Variants in RNF115 observed in about 807,000 individuals in gnomAD.
RNF115 encodes the protein ring finger protein 115.
In RNF115, 31 loss-of-function variants were observed where a neutral mutation model predicts 39.2. The ratio of observed to expected loss-of-function variants is 0.79; its 90% CI spans 0.59 to 1.07. RNF115 has a LOEUF of 1.07. Among genes scored for constraint, RNF115 ranks in the 50% least tolerant of loss-of-function variants. RNF115 has a pLI of 0.00. For missense variants in RNF115, 384 were observed against 381.7 expected (o/e 1.01, Z -0.05); for synonymous variants, 124 against 131.0 (o/e 0.95, Z 0.37).
At chr1:145,790,836 G>A (rs1321833524) in intron 1 of RNF115, among the ~76,000 whole-genome samples, 2 of 152,062 alleles carry the variant, frequency 1.3e-5, no homozygotes, top group African/African-American at 2.4e-5. Flanking sequence ...TAATAATGAT[G>A]GGTATAGAAA....
intron 2 of RNF115, among the ~76,000 whole-genome samples, chr1:145,784,883 T>G (rs1648308446): frequency 6.6e-6 from 1 of 152,138 alleles, no homozygotes; most frequent in Non-Finnish European, 1.5e-5. Flanking sequence ...CAATTCGGAT[T>G]TGACCTATCA....
intron 4 of RNF115, among the ~76,000 whole-genome samples, chr1:145,755,113 G>A (rs1176048150): frequency 2.0e-5 from 3 of 152,080 alleles, no homozygotes; most frequent in East Asian, 1.9e-4. Flanking sequence ...TTAGTGGCAC[G>A]TGCCTATAGT....
intron 1 of RNF115, among the ~76,000 whole-genome samples, chr1:145,803,555 A>G (rs1649341624): frequency 6.6e-6 from 1 of 152,034 alleles, no homozygotes; most frequent in South Asian, 2.1e-4. Flanking sequence ...TGCCCAGCTA[A>G]TTTTTGTATT....
chr1:145,807,257 AATAG>A (rs1349980027), intron 1 of RNF115, among the ~76,000 whole-genome samples: 1 of 152,240 alleles, frequency 6.6e-6, no homozygotes, highest in Non-Finnish European at 1.5e-5. Context: ...CAGGAATAGA[AATAG>A]ATATACTTCT....
intron 1 of RNF115, among the ~76,000 whole-genome samples, chr1:145,819,252 A>G (rs1162192654): frequency 2.9e-4 from 42 of 145,402 alleles, no homozygotes; most frequent in African/African-American, 9.3e-4. Flanking sequence ...GCTGGGCAAC[A>G]TGACGAAACC....
chr1:145,791,530 GAA>G (rs1226373562), intron 1 of RNF115, among the ~76,000 whole-genome samples: 43 of 150,142 alleles, frequency 2.9e-4, no homozygotes, highest in African/African-American at 7.6e-4. Context: ...AAAAAAAAGA[GAA>G]AGAGAGACAT....
rs758012749 is a variant in RNF115, at chr1:145,750,503, A to G, written c.574-3T>C. The G allele has an allele frequency of 4.3e-6, 7 of 1,612,460 alleles. No homozygotes were observed. In the African/African-American group the frequency reaches 9.3e-5, roughly 22 times the overall value. ...GTGTTTTCCAGTTGTCCTAAAAGCT[A>G]CAAAAAAAGAGAAAGAAAAAGACGA... On this transcript the variant is annotated splice_polypyrimidine_tract_variant and splice_region_variant and intron_variant, in intron 6 of 8. Coordinates refer to ENST00000582693, the MANE Select transcript of RNF115 (RefSeq NM_014455.4).
At chr1:145,815,430 C>T (rs1421817981) in intron 1 of RNF115, among the ~76,000 whole-genome samples, 1 of 152,262 alleles carries the variant, frequency 6.6e-6, no homozygotes, top group Non-Finnish European at 1.5e-5. Flanking sequence ...GTAGGTTACT[C>T]TGCATATGAT....
At chr1:145,783,348 A>G (rs1394717705) in intron 3 of RNF115, among the ~76,000 whole-genome samples, 1 of 152,216 alleles carries the variant, frequency 6.6e-6, no homozygotes, top group Non-Finnish European at 1.5e-5. Context: ...TAAATAGAAC[A>G]GGACCATTAC....
At chr1:145,784,219 T>C (rs1364870425) in intron 3 of RNF115, among the ~76,000 whole-genome samples, 1 of 152,222 alleles carries the variant, frequency 6.6e-6, no homozygotes, top group African/African-American at 2.4e-5. Context: ...AACACTGTTA[T>C]TTCAAAAACA....
intron 4 of RNF115, among the ~76,000 whole-genome samples, chr1:145,760,390 T>C (rs1559107292): frequency 6.6e-6 from 1 of 152,176 alleles, no homozygotes; most frequent in African/African-American, 2.4e-5. Context: ...GGCTCTGATA[T>C]GGTTTGGCTG....
Position 145,750,465 on chromosome 1 carries a change from T to TG in RNF115, c.608dup (p.Ala204SerfsTer2). 6.2e-7 allele frequency: 1 copy of TG among 1,614,010 alleles called. No homozygotes were observed. The highest frequency in any genetic ancestry group is 8.5e-7 in the Non-Finnish European group (1 of 1,179,950). Reference sequence around the variant, plus strand: ...GAGATGTGATCTTTTCCTTGTCAGCTGGGGGAGGGCCTGTGTTTTCCAGTT... The same window carrying TG: ...GAGATGTGATCTTTTCCTTGTCAGCTGGGGGGAGGGCCTGTGTTTTCCAGTT... On this transcript the variant is annotated frameshift_variant, in exon 7 of 9. Coordinates refer to ENST00000582693, the MANE Select transcript of RNF115 (RefSeq NM_014455.4). LOFTEE classifies it high-confidence loss of function.
rs1649907562 is a variant in RNF115, at chr1:145,814,814, CTAGAT to C, written c.102+8953_102+8957del. 1.3e-5 allele frequency among the ~76,000 whole-genome samples: 2 copies of C among 152,066 alleles called. 1 individual carries two copies. ...TACCTATAAGAATACATATTTATTT[CTAGAT>C]ATTGCAGTGAATATATGTACTTCAC... is the stretch of plus-strand genomic sequence containing the variant. On this transcript the variant is annotated intron_variant, in intron 1 of 8. Transcript: ENST00000582693.
At chr1:145,780,975 A>C (rs915302033) in intron 3 of RNF115, among the ~76,000 whole-genome samples, 7 of 152,100 alleles carry the variant, frequency 4.6e-5, no homozygotes, top group Non-Finnish European at 8.8e-5. Flanking sequence ...CACTTTCTAG[A>C]TTACCACCAG....
intron 4 of RNF115, among the ~76,000 whole-genome samples, chr1:145,755,226 A>G (rs1336281925): frequency 6.9e-6 from 1 of 145,602 alleles, no homozygotes; most frequent in Non-Finnish European, 1.5e-5. Flanking sequence ...TGGGTGACAG[A>G]GACTTTGCCT....
intron 2 of RNF115, 152 bp downstream of exon 2, chr1:145,788,756 T>C (rs1453673965): frequency 1.4e-6 from 1 of 721,626 alleles, no homozygotes; most frequent in South Asian, 1.5e-5. Flanking sequence ...CTGCCCTCTC[T>C]TGTGCAAGCT....
At chr1:145,808,084 T>C (rs1324986269) in intron 1 of RNF115, among the ~76,000 whole-genome samples, 1 of 152,178 alleles carries the variant, frequency 6.6e-6, no homozygotes, top group African/African-American at 2.4e-5. Context: ...ACATTTTCTT[T>C]ATCCATTCAT....
intron 1 of RNF115, among the ~76,000 whole-genome samples, chr1:145,816,675 C>T (rs1489255262): frequency 1.4e-5 from 2 of 145,548 alleles, no homozygotes; most frequent in African/African-American, 4.9e-5. Flanking sequence ...AACTCAATAC[C>T]CAGCCTCTGG....
intron 1 of RNF115, among the ~76,000 whole-genome samples, chr1:145,791,512 C>CA (rs1180971080): frequency 0.024 from 2,572 of 105,890 alleles, 88 homozygotes; most frequent in African/African-American, 0.076. Flanking sequence ...AACTCCACCT[C>CA]AAAAAAAAAA....
Sources: allele counts gnomAD v4.1 joint callset (sites outside exome capture counted in the v4.1 genomes callset), GRCh38; gene constraint gnomAD v4.1.1; transcripts MANE v1.5; gene names NCBI Gene and HGNC (gene_info 2026-07-23, HGNC 2026-07-21).